Variants in XKR6 observed in about 807,000 individuals in gnomAD.
XKR6 encodes the protein XK-related protein 6.
A neutral mutation model predicts 56.7 loss-of-function variants in XKR6; 22 were observed. The ratio of observed to expected loss-of-function variants is 0.39; its 90% CI spans 0.28 to 0.55. The LOEUF (loss-of-function observed/expected upper bound fraction) is 0.55. Ranked by LOEUF, XKR6 falls within the 20% of genes least tolerant of loss-of-function variation. The pLI, the probability that XKR6 is intolerant of heterozygous loss-of-function variation, is 0.66. For missense variants in XKR6, 852 were observed against 889.0 expected (o/e 0.96, Z 0.53); for synonymous variants, 524 against 387.8 (o/e 1.35, Z -4.13).
chr8:11,145,360 A>G lies in XKR6; in HGVS notation c.764+55216T>C, dbSNP rs536578640. The stretch of plus-strand genomic sequence containing the variant: ...CTCTAAGTCTCCCACAACTAAAGAT[A>G]ATAATTTTCTTTGCTGAAAAGGCCA... On this transcript the variant is annotated intron_variant, in intron 1 of 2. Transcript: ENST00000416569. Among the ~76,000 whole-genome samples the G allele has an allele frequency of 2.0e-5, 3 of 152,282 alleles. No individual in the cohort carries two copies. In the East Asian group the frequency reaches 5.8e-4, roughly 29 times the overall value.
Position 11,200,536 on chromosome 8 carries a change from T to TC in XKR6, c.764+39dup, listed in dbSNP as rs1585049173. On this transcript the variant is annotated intron_variant, in intron 1 of 2. Coordinates refer to ENST00000416569, the MANE Select transcript of XKR6 (RefSeq NM_173683.4). The surrounding 1 kb of genome is among the most constrained non-coding windows in gnomAD (Gnocchi z 6.4). Reference sequence around the variant, plus strand: ...AAGCACCGGGAGGGCGGAGGGGGGCTCCTCAGGGCCGGCCCGCCCCCACCC... The same window carrying TC: ...AAGCACCGGGAGGGCGGAGGGGGGCTCCCTCAGGGCCGGCCCGCCCCCACCC... 3 of 1,413,356 alleles carry TC rather than the reference T, an allele frequency of 2.1e-6. No individual in the cohort carries two copies. The East Asian group carries it at 8.4e-5, about 39-fold the overall frequency. 87.6% of individuals were successfully genotyped at this position (1,413,356 alleles called of 1,614,324 possible).
At chr8:11,165,997 C>T (rs1339242909) in intron 1 of XKR6, among the ~76,000 whole-genome samples, 2 of 150,918 alleles carry the variant, frequency 1.3e-5, no homozygotes, top group East Asian at 3.9e-4. Context: ...ACTCTGTCAC[C>T]CAGACTGGAG....
At chr8:10,972,716 C>A (rs778704320) in intron 1 of XKR6, among the ~76,000 whole-genome samples, 1 of 151,994 alleles carries the variant, frequency 6.6e-6, no homozygotes, top group Non-Finnish European at 1.5e-5. Flanking sequence ...AAAGTGGGGA[C>A]TGGGGAGTCA....
At chr8:10,924,606 T>C (rs1800821854) in intron 2 of XKR6, 28 bp downstream of exon 2, 1 of 1,583,546 alleles carries the variant, frequency 6.3e-7, no homozygotes. Context: ...CAGGCCGGGG[T>C]GGCGGGGCGC....
chr8:10,938,613 AGT>A (rs1801298908), intron 1 of XKR6, among the ~76,000 whole-genome samples: 1 of 152,252 alleles, frequency 6.6e-6, no homozygotes, highest in Non-Finnish European at 1.5e-5. Flanking sequence ...AGTTATATAC[AGT>A]GTGATTCCAC....
chr8:11,026,853 ACTACACACCTAGATGGTCTAGCCTG>A (rs1798879425), intron 1 of XKR6, among the ~76,000 whole-genome samples: 7 of 151,770 alleles, frequency 4.6e-5, no homozygotes, highest in Non-Finnish European at 1.0e-4. Context: ...AGCCTAGCCT[ACTACACACCTAGATGGTCTAGCCTG>A]CTACACCCTT....
At chr8:11,192,321 G>A (rs1049782057) in intron 1 of XKR6, among the ~76,000 whole-genome samples, 3 of 152,018 alleles carry the variant, frequency 2.0e-5, no homozygotes, top group Non-Finnish European at 2.9e-5. Flanking sequence ...ACCACGCCCG[G>A]CTAATTTTTG....
intron 1 of XKR6, among the ~76,000 whole-genome samples, chr8:11,141,250 T>G (rs963387662): frequency 6.6e-6 from 1 of 152,194 alleles, no homozygotes; most frequent in Admixed American, 6.5e-5. Flanking sequence ...TCTATAATAG[T>G]CTATCATCAC....
chr8:11,146,004 C>T (rs1457066003), intron 1 of XKR6, among the ~76,000 whole-genome samples: 1 of 151,888 alleles, frequency 6.6e-6, no homozygotes, highest in South Asian at 2.1e-4. Flanking sequence ...ACAAAAAGGA[C>T]AATGGAACAG....
intron 1 of XKR6, among the ~76,000 whole-genome samples, chr8:11,157,807 G>T (rs1563181768): frequency 6.6e-6 from 1 of 152,144 alleles, no homozygotes; most frequent in Non-Finnish European, 1.5e-5. Flanking sequence ...GAGCCACCAT[G>T]CCTGGCCAAA....
At chr8:11,102,831 G>A (rs1242290690) in intron 1 of XKR6, among the ~76,000 whole-genome samples, 3 of 152,164 alleles carry the variant, frequency 2.0e-5, no homozygotes, top group East Asian at 1.9e-4. Flanking sequence ...GCTGCATTTG[G>A]AGGATTTTCA....
intron 1 of XKR6, among the ~76,000 whole-genome samples, chr8:10,959,618 T>C (rs1802002212): frequency 6.6e-6 from 1 of 152,132 alleles, no homozygotes; most frequent in South Asian, 2.1e-4. Context: ...ATATGGACAC[T>C]AATCCGTTGC....
At chr8:10,986,571 T>G (rs547197211) in intron 1 of XKR6, among the ~76,000 whole-genome samples, 1 of 152,310 alleles carries the variant, frequency 6.6e-6, no homozygotes, top group African/African-American at 2.4e-5. Flanking sequence ...TTTGGTAGTT[T>G]TTGAGCAAGA....
chr8:11,035,408 G>C (rs1799115461), intron 1 of XKR6: 1 of 508,062 alleles, frequency 2.0e-6, no homozygotes, highest in African/African-American at 1.9e-5. Flanking sequence ...GCAACTCCAG[G>C]AAAGAGAGAA....
intron 2 of XKR6, among the ~76,000 whole-genome samples, chr8:10,903,552 C>G (rs1800102044): frequency 6.6e-6 from 1 of 152,116 alleles, no homozygotes; most frequent in South Asian, 2.1e-4. Context: ...CCTAGGACCT[C>G]AGAATGTGGC....
Position 10,911,529 on chromosome 8 carries a change from GA to G in XKR6, c.962-12614del, listed in dbSNP as rs1040554483. Among the ~76,000 whole-genome samples the G allele has an allele frequency of 2.6e-4, 38 of 148,360 alleles. 1 individual carries two copies. Among genetic ancestry groups the G allele is most frequent in the African/African-American group, 8.7e-4 (35 of 40,456 alleles). On this transcript the variant is annotated intron_variant, in intron 2 of 2. Transcript: ENST00000416569. ...GATTGTATATATATATGTAGAAAGA[GA>G]GGGGGTGAATATATATATATAGAGA...
At chr8:11,102,692 C>T (rs1012690132) in intron 1 of XKR6, among the ~76,000 whole-genome samples, 2 of 152,076 alleles carry the variant, frequency 1.3e-5, no homozygotes, top group African/African-American at 4.8e-5. Flanking sequence ...CTTCAGCATT[C>T]AAAGTTTCCA....
intron 1 of XKR6, among the ~76,000 whole-genome samples, chr8:10,943,737 G>A (rs1359935921): frequency 3.9e-5 from 3 of 77,354 alleles, no homozygotes; most frequent in African/African-American, 1.1e-4. Flanking sequence ...GATGCCAGGG[G>A]TTCATACCCA....
intron 2 of XKR6, among the ~76,000 whole-genome samples, chr8:10,912,203 G>A (rs79317463): frequency 6.7e-4 from 99 of 147,190 alleles, no homozygotes; most frequent in African/African-American, 2.1e-3. Context: ...GTGGGATGGT[G>A]TGTGTGTGTA....
Sources: allele counts gnomAD v4.1 joint callset (sites outside exome capture counted in the v4.1 genomes callset), GRCh38; gene constraint gnomAD v4.1.1; non-coding constraint Gnocchi (gnomAD v3.1); transcripts MANE v1.5; gene names NCBI Gene and HGNC (gene_info 2026-07-23, HGNC 2026-07-21).